The following CCNT2 variants were observed in gnomAD, a reference collection of about 807,000 sequenced individuals.
The protein encoded by CCNT2 is cyclin T2, also known as cyclin-T2.
A neutral mutation model predicts 70.0 loss-of-function variants in CCNT2; 18 were observed. The observed-to-expected ratio is 0.26, with a 90% CI of 0.18 to 0.38. CCNT2 has a LOEUF of 0.38. Among genes scored for constraint, CCNT2 ranks in the 10% least tolerant of loss-of-function variants. The probability of loss-of-function intolerance (pLI) is 1.00; values close to 1 mark genes in which losing one functional copy is unlikely to be tolerated. For synonymous variants in CCNT2, 334 were observed against 313.3 expected, an observed-to-expected ratio of 1.07 and a Z score of -0.70; for missense variants, 734 against 890.2, an observed-to-expected ratio of 0.82 and a Z score of 2.23.
At chr2:134,924,859 C>G (rs962594545) in intron 2 of CCNT2, among the ~76,000 whole-genome samples, 4 of 152,200 alleles carry the variant, frequency 2.6e-5, no homozygotes, top group Non-Finnish European at 5.9e-5. Flanking sequence ...TTTGAAGTCT[C>G]TCAGTATGCA....
chr2:134,921,327 C>T (rs927647332), intron 2 of CCNT2, among the ~76,000 whole-genome samples: 1 of 151,642 alleles, frequency 6.6e-6, no homozygotes, highest in African/African-American at 2.4e-5. Context: ...GATCTAGCCA[C>T]AAGTCTTCAC....
chr2:134,943,020 G>C, intron 5 of CCNT2: 1 of 985,304 alleles, frequency 1.0e-6, no homozygotes, highest in Non-Finnish European at 1.2e-6. Context: ...TTAATTTTGG[G>C]TTTGTGTCAA....
chr2:134,945,090 T>A, intron 5 of CCNT2: 4 of 985,394 alleles, frequency 4.1e-6, no homozygotes, highest in Non-Finnish European at 4.8e-6. Context: ...TCACACTGCC[T>A]CCAAGACATC....
chr2:134,942,881 T>C, intron 5 of CCNT2: 2 of 1,349,572 alleles, frequency 1.5e-6, no homozygotes, highest in Non-Finnish European at 1.9e-6. Context: ...TAAACATAGG[T>C]AAGAATCTCA....
At chr2:134,952,966 G>C (rs1311672279) in intron 8 of CCNT2, 1 of 482,956 alleles carries the variant, frequency 2.1e-6, no homozygotes, top group Non-Finnish European at 3.6e-6. Context: ...GGAAACTGAA[G>C]CCTAGACAAG....
intron 1 of CCNT2, among the ~76,000 whole-genome samples, chr2:134,919,484 C>A (rs537116415): frequency 7.9e-5 from 12 of 152,022 alleles, no homozygotes; most frequent in Non-Finnish European, 1.5e-4. Flanking sequence ...TCTTTATGTT[C>A]TTGGCGTGGT....
intron 2 of CCNT2, among the ~76,000 whole-genome samples, chr2:134,924,729 G>C (rs904088983): frequency 2.0e-5 from 3 of 151,996 alleles, no homozygotes; most frequent in African/African-American, 7.2e-5. Context: ...GATTACAGGC[G>C]TTAGCCACCT....
At chr2:134,933,613 T>A (rs1395929112) in intron 2 of CCNT2, among the ~76,000 whole-genome samples, 5 of 152,156 alleles carry the variant, frequency 3.3e-5, no homozygotes, top group African/African-American at 1.2e-4. Context: ...TCAAATATCA[T>A]AAATTCAGTG....
At chr2:134,929,574 C>T (rs1313902885) in intron 2 of CCNT2, among the ~76,000 whole-genome samples, 1 of 139,202 alleles carries the variant, frequency 7.2e-6, no homozygotes, top group African/African-American at 2.8e-5. Context: ...CGCCACTGCA[C>T]TCCAGCCTAG....
intron 6 of CCNT2, chr2:134,946,408 T>C (rs750443027): frequency 5.3e-5 from 65 of 1,222,834 alleles, no homozygotes; most frequent in Non-Finnish European, 6.5e-5. Flanking sequence ...ATTGGTAGCC[T>C]GAATAGCAGC....
rs1399566086 is a variant in CCNT2 at position 134,932,557 on chromosome 2, TA to T, written c.241-4282del. On this transcript the variant is annotated intron_variant, in intron 2 of 8. Transcript: ENST00000264157. The stretch of plus-strand genomic sequence containing the variant: ...TAACATCCAGCTTGAAGATTTTTTT[TA>T]ATTTTTTAATATAAATTTGCTTTCA... 2.0e-5 allele frequency among the ~76,000 whole-genome samples: 3 copies of T among 152,348 alleles called. No individual in the cohort carries two copies. In the East Asian group the frequency reaches 5.8e-4, roughly 29 times the overall value.
rs1249216520 is a variant in CCNT2, at chr2:134,958,751, TATC to T, written c.*4106_*4108del. The T allele has an allele frequency of 2.0e-5, 3 of 152,228 alleles. No individual in the cohort carries two copies. The highest frequency in any genetic ancestry group is 4.8e-5 in the African/African-American group (2 of 41,452). The allele number at this position is 152,228 out of a possible 1,614,324, so 9.4% of individuals were successfully genotyped here. Reference sequence around the variant, plus strand: ...AAAGCTCAAAATGTTTTAGACCTAATATCATACATTAATTTTCTGCTCTGCAGT... The same window carrying T: ...AAAGCTCAAAATGTTTTAGACCTAATATACATTAATTTTCTGCTCTGCAGT... On this transcript the variant is annotated 3_prime_UTR_variant, in exon 9 of 9. Transcript: ENST00000264157.
At chr2:134,937,232 T>G (rs1294850542) in intron 3 of CCNT2, among the ~76,000 whole-genome samples, 1 of 152,228 alleles carries the variant, frequency 6.6e-6, no homozygotes, top group Non-Finnish European at 1.5e-5. Flanking sequence ...TCATATTTTG[T>G]TGTTCAGAGT....
At chr2:134,922,710 A>C (rs1680001110) in intron 2 of CCNT2, among the ~76,000 whole-genome samples, 1 of 152,120 alleles carries the variant, frequency 6.6e-6, no homozygotes, top group Non-Finnish European at 1.5e-5. Context: ...GAGGGAAAGC[A>C]CCCACCCCCC....
chr2:134,934,522 G>C (rs1681011607), intron 2 of CCNT2, among the ~76,000 whole-genome samples: 1 of 152,230 alleles, frequency 6.6e-6, no homozygotes, highest in Middle Eastern at 3.2e-3. Context: ...ACAAAAAGCA[G>C]TAGTACCTAG....
At chr2:134,934,875 AG>A (rs1173598364) in intron 2 of CCNT2, among the ~76,000 whole-genome samples, 1 of 152,210 alleles carries the variant, frequency 6.6e-6, no homozygotes, top group Non-Finnish European at 1.5e-5. Context: ...AAATAGTTTT[AG>A]CATTTGAAGG....
intron 2 of CCNT2, chr2:134,920,183 A>C (rs1000501527): frequency 4.1e-6 from 1 of 244,308 alleles, no homozygotes; most frequent in Non-Finnish European, 8.0e-6. Context: ...TCTATACTTA[A>C]CATTTGAATA....
chr2:134,923,078 C>A (rs1680031854), intron 2 of CCNT2, among the ~76,000 whole-genome samples: 1 of 152,048 alleles, frequency 6.6e-6, no homozygotes, highest in Admixed American at 6.6e-5. Flanking sequence ...GTCAGGAGTT[C>A]AAGACCAGCC....
chr2:134,953,007 A>G (rs1682639377), intron 8 of CCNT2: 1 of 498,658 alleles, frequency 2.0e-6, no homozygotes, highest in African/African-American at 2.0e-5. Context: ...CTGGGCTAGG[A>G]TTTAACTTGT....
Sources: gnomAD v4.1 joint callset for allele counts (sites outside exome capture counted in the v4.1 genomes callset) on GRCh38, gnomAD v4.1.1 for gene constraint, MANE v1.5 for transcripts, NCBI Gene and HGNC (gene_info 2026-07-23, HGNC 2026-07-21) for gene names.